The following ARL13B variants were observed in gnomAD, a reference collection of about 807,000 sequenced individuals.
ARL13B encodes the protein ARF like GTPase 13B, also known as ADP-ribosylation factor-like protein 13B.
In ARL13B, 36 loss-of-function variants were observed where a neutral mutation model predicts 56.1. That is an observed-to-expected ratio of 0.64 (90% CI 0.49 to 0.85). The LOEUF (loss-of-function observed/expected upper bound fraction) is 0.85. ARL13B is among the 40% of genes least tolerant of loss of function. The pLI is 0.00. For synonymous variants in ARL13B, 178 were observed against 171.1 expected, an observed-to-expected ratio of 1.04 and a Z score of -0.32; for missense variants, 519 against 507.1, an observed-to-expected ratio of 1.02 and a Z score of -0.23.
At chr3:93,983,022 C>T (rs1213924489) in intron 1 of ARL13B, among the ~76,000 whole-genome samples, 1 of 152,074 alleles carries the variant, frequency 6.6e-6, no homozygotes, top group Non-Finnish European at 1.5e-5. Context: ...TATTAAGATT[C>T]CTCTTCATGT....
At position 94,055,439 on chromosome 3, in the gene ARL13B, C is replaced by A. The variant is rs976927015; in HGVS notation, c.*2176C>A. The A allele has an allele frequency of 3.5e-5, 16 of 452,700 alleles. No homozygotes were observed. The Admixed American group carries it at 3.8e-4, about 11-fold the overall frequency. The allele number at this position is 452,700 out of a possible 1,614,324, so 28.0% of individuals were successfully genotyped here. A position where few individuals can be genotyped will look rare whatever the true frequency, so the allele number is the denominator to read the frequency against. ...TACACACAAAACTTTTTTCTCTCTGCAAGTTTTTATGTATGTGGGAAAGAA... is the reference window on the plus strand; with the variant it reads ...TACACACAAAACTTTTTTCTCTCTGAAAGTTTTTATGTATGTGGGAAAGAA... On this transcript the variant is annotated 3_prime_UTR_variant, in exon 10 of 10. Coordinates refer to ENST00000394222, the MANE Select transcript of ARL13B (RefSeq NM_001174150.2).
chr3:93,997,624 T>C (rs942325967), intron 2 of ARL13B, among the ~76,000 whole-genome samples: 22 of 152,204 alleles, frequency 1.4e-4, no homozygotes, highest in Non-Finnish European at 7.3e-5. Context: ...TTTTAGACCT[T>C]GCAGTCATCC....
In ARL13B at chr3:94,036,808, A is replaced by G. The variant is rs578118551; in HGVS notation, c.689+54A>G. ...CATTTGAAGGATCAAAAACATAACAATTTTATGAATCAGTTGTTAGTTTTA... is the reference window on the plus strand; with the variant it reads ...CATTTGAAGGATCAAAAACATAACAGTTTTATGAATCAGTTGTTAGTTTTA... On this transcript the variant is annotated intron_variant, in intron 5 of 9. Transcript: ENST00000394222. The G allele has an allele frequency of 2.7e-5, 41 of 1,532,226 alleles. No homozygotes were observed. The South Asian group carries it at 4.4e-4, about 16-fold the overall frequency. 94.9% of individuals were successfully genotyped at this position (1,532,226 alleles called of 1,614,324 possible). A position where few individuals can be genotyped will look rare whatever the true frequency, so the allele number is the denominator to read the frequency against.
At chr3:94,050,708 A>G (rs779251330) in intron 8 of ARL13B, 116 bp from the exon 9 acceptor site, 215 of 820,388 alleles carry the variant, frequency 2.6e-4, no homozygotes, top group Non-Finnish European at 2.4e-4. Context: ...GTCATTCAAT[A>G]TATTTGAATT....
At chr3:93,997,961 G>C (rs536877910) in intron 2 of ARL13B, among the ~76,000 whole-genome samples, 1 of 152,186 alleles carries the variant, frequency 6.6e-6, no homozygotes, top group Admixed American at 6.5e-5. Context: ...ACTCCAGTCT[G>C]GGCAACAGTG....
At chr3:93,999,139 C>T (rs114864062) in intron 2 of ARL13B, among the ~76,000 whole-genome samples, 8 of 151,686 alleles carry the variant, frequency 5.3e-5, no homozygotes, top group Admixed American at 5.3e-4. Context: ...GTGAGTCTCA[C>T]TATGTTGCCC....
chr3:94,044,883 G>T (rs951678011), intron 7 of ARL13B, among the ~76,000 whole-genome samples: 1 of 148,982 alleles, frequency 6.7e-6, no homozygotes, highest in South Asian at 2.1e-4. Flanking sequence ...CCCGCCCCTC[G>T]TCGGGGAGGT....
Position 94,035,525 on chromosome 3 carries a change from TA to T in ARL13B, c.486+93del, listed in dbSNP as rs1576026559. On this transcript the variant is annotated intron_variant, in intron 4 of 9. Transcript: ENST00000394222. ...TGGTTTTTATAAAAGTGATAGCAAT[TA>T]AAAGGCAATGTTTTCAAAGAATTTT... The T allele has an allele frequency of 9.3e-6, 8 of 857,214 alleles. No homozygotes were observed. The East Asian group carries it at 2.1e-4, about 22-fold the overall frequency. The allele number at this position is 857,214 out of a possible 1,614,324, so 53.1% of individuals were successfully genotyped here.
intron 2 of ARL13B, among the ~76,000 whole-genome samples, 193 bp from the exon 3 acceptor site, chr3:94,003,465 AG>A (rs1465677051): frequency 6.6e-6 from 1 of 152,192 alleles, no homozygotes. Context: ...GGGGAAAGAA[AG>A]ATTCCTATCT....
rs1379949759 is a variant in ARL13B at position 94,053,749 on chromosome 3, A to G, written c.*486A>G. The G allele has an allele frequency of 1.3e-5, 4 of 308,706 alleles. No individual in the cohort carries two copies. In the East Asian group the frequency reaches 3.4e-4, roughly 26 times the overall value. 19.1% of individuals were successfully genotyped at this position (308,706 alleles called of 1,614,324 possible). On this transcript the variant is annotated 3_prime_UTR_variant, in exon 10 of 10. Transcript: ENST00000394222. ...ATCTTTAAAAATTTTAATTACTGTG[A>G]TATTGATTATACACCTTTTTTATAG...
rs749127786 is a variant in ARL13B at position 94,014,771 on chromosome 3, A to G, written c.380+10863A>G. The G allele has an allele frequency of 1.1e-5, 17 of 1,613,762 alleles. No homozygotes were observed. In the South Asian group the frequency reaches 1.9e-4, roughly 18 times the overall value. ...TTTCCAGCAACTTCAAGCTGACGTAAAATAAATGTCTTGCACTTCTCTTGC... is the reference window on the plus strand; with the variant it reads ...TTTCCAGCAACTTCAAGCTGACGTAGAATAAATGTCTTGCACTTCTCTTGC... On this transcript the variant is annotated intron_variant, in intron 3 of 9. Coordinates refer to ENST00000394222, the MANE Select transcript of ARL13B (RefSeq NM_001174150.2).
intron 1 of ARL13B, among the ~76,000 whole-genome samples, chr3:93,994,594 G>A (rs2075933988): frequency 6.6e-6 from 1 of 152,138 alleles, no homozygotes; most frequent in Non-Finnish European, 1.5e-5. Flanking sequence ...AGTGGTTGCT[G>A]TAATAAACAA....
At chr3:94,034,342 T>C (rs540201646) in intron 3 of ARL13B, among the ~76,000 whole-genome samples, 67 of 152,192 alleles carry the variant, frequency 4.4e-4, no homozygotes, top group African/African-American at 1.6e-3. Flanking sequence ...ATTTTTTTTT[T>C]AACCTAAAGA....
At chr3:94,042,246 G>C (rs2107147785) in intron 6 of ARL13B, among the ~76,000 whole-genome samples, 2 of 152,094 alleles carry the variant, frequency 1.3e-5, no homozygotes, top group South Asian at 4.2e-4. Flanking sequence ...CCAACCCTTT[G>C]CCTGAGGTTC....
intron 3 of ARL13B, among the ~76,000 whole-genome samples, chr3:94,021,169 G>A (rs140552917): frequency 7.3e-4 from 108 of 148,620 alleles, no homozygotes; most frequent in African/African-American, 2.2e-3. Flanking sequence ...TTTGTCTTTC[G>A]TGTTTAATAT....
chr3:93,993,948 T>C (rs1330483773), intron 1 of ARL13B, among the ~76,000 whole-genome samples: 1 of 152,210 alleles, frequency 6.6e-6, no homozygotes, highest in Non-Finnish European at 1.5e-5. Context: ...CCTGGAGTGC[T>C]GCTTATTGTG....
At chr3:93,981,884 A>AG (rs1184097894) in intron 1 of ARL13B, among the ~76,000 whole-genome samples, 4 of 150,890 alleles carry the variant, frequency 2.7e-5, no homozygotes, top group Admixed American at 6.6e-5. Context: ...AAAAAAAAAA[A>AG]AAAAAGAAAA....
At chr3:94,005,850 TA>T (rs745527692) in intron 3 of ARL13B, among the ~76,000 whole-genome samples, 44 of 152,320 alleles carry the variant, frequency 2.9e-4, no homozygotes, top group African/African-American at 9.4e-4. Flanking sequence ...GTTTTTTGTA[TA>T]TTTTTTTTGA....
chr3:94,024,301 C>T (rs141890961), intron 3 of ARL13B, among the ~76,000 whole-genome samples: 32 of 152,052 alleles, frequency 2.1e-4, no homozygotes, highest in Admixed American at 9.8e-4. Flanking sequence ...GGGTTGCACC[C>T]GTGTAAATAT....
Sources: allele counts gnomAD v4.1 joint callset (sites outside exome capture counted in the v4.1 genomes callset), GRCh38; gene constraint gnomAD v4.1.1; transcripts MANE v1.5; gene names NCBI Gene and HGNC (gene_info 2026-07-23, HGNC 2026-07-21).